SP100: variants seen among roughly 807,000 people sequenced by gnomAD.
SP100 encodes the protein nuclear autoantigen Sp-100.
SP100 carries 84 observed loss-of-function variants against 130.0 expected under a neutral mutation model. The observed-to-expected ratio is 0.65, with a 90% CI of 0.54 to 0.77. The LOEUF (loss-of-function observed/expected upper bound fraction) is 0.77, where lower values mean the gene tolerates loss of function less well. Among genes scored for constraint, SP100 ranks in the 30% least tolerant of loss-of-function variants. The pLI is 0.00. For synonymous variants in SP100, 331 were observed against 351.7 expected (o/e 0.94, Z 0.66); for missense variants, 978 against 1,052.2 (o/e 0.93, Z 0.97).
At position 230,421,553 on chromosome 2, in the gene SP100, C is replaced by CTA. The variant is rs3997231; in HGVS notation, c.107+3905_107+3906dup. On this transcript the variant is annotated intron_variant, in intron 2 of 28. Coordinates refer to ENST00000340126, the MANE Select transcript of SP100 (RefSeq NM_001080391.2). Reference sequence around the variant, plus strand: ...CTTACTGGGATTCAATTGAGAGACACTATATATATATATATATAAATTGTA... The same window carrying CTA: ...CTTACTGGGATTCAATTGAGAGACACTATATATATATATATATATAAATTGTA... 7.2e-3 allele frequency among the ~76,000 whole-genome samples: 1,062 copies of CTA among 147,910 alleles called. 7 individuals carry two copies. Among genetic ancestry groups the CTA allele is most frequent in the African/African-American group, 0.022 (906 of 40,292 alleles).
intron 24 of SP100, chr2:230,515,008 G>A: frequency 6.4e-7 from 1 of 1,571,668 alleles, no homozygotes; most frequent in Non-Finnish European, 8.6e-7. Context: ...CCTTGCTGAG[G>A]AAAAATAACT....
intron 23 of SP100, chr2:230,509,622 G>A (rs979928636): frequency 5.3e-5 from 8 of 152,146 alleles, no homozygotes; most frequent in Admixed American, 5.2e-4. Flanking sequence ...TCGGTTCTCA[G>A]AGGATCTCCC....
At chr2:230,482,493 T>C (rs765812118) in intron 17 of SP100, among the ~76,000 whole-genome samples, 19 of 152,170 alleles carry the variant, frequency 1.2e-4, no homozygotes, top group Non-Finnish European at 2.2e-4. Context: ...CAAAACCCTA[T>C]CTCAAGATTT....
rs1484200264 is a variant in SP100 at position 230,439,302 on chromosome 2, A to G, written c.108-3635A>G. Among the ~76,000 whole-genome samples, 6 of 152,186 alleles carry G rather than the reference A, an allele frequency of 3.9e-5. No homozygotes were observed. In the East Asian group the frequency reaches 1.2e-3, roughly 29 times the overall value. ...TGGGCCCTTTTTTGATTCCATATGA[A>G]TTTTAGGATTGTTTTTTCTAGTTCT... On this transcript the variant is annotated intron_variant, in intron 2 of 28. Transcript: ENST00000340126.
Position 230,421,504 on chromosome 2 carries a change from C to CATATATATAT in SP100, c.107+3848_107+3857dup, listed in dbSNP as rs55963279. On this transcript the variant is annotated intron_variant, in intron 2 of 28. Transcript: ENST00000340126. ...TGACTAAGAGTTTATAGAAGATATA[C>CATATATATAT]ATATATATATATATATATCCTACCT... Among the ~76,000 whole-genome samples, 893 of 146,252 alleles carry CATATATATAT rather than the reference C, an allele frequency of 6.1e-3. 6 individuals are homozygous for CATATATATAT. The highest frequency in any genetic ancestry group is 7.1e-3 in the Middle Eastern group (2 of 280).
chr2:230,519,961 C>G (rs915996496), intron 24 of SP100, among the ~76,000 whole-genome samples: 8 of 152,132 alleles, frequency 5.3e-5, no homozygotes, highest in Non-Finnish European at 1.0e-4. Flanking sequence ...AGGCAGTGTA[C>G]CCTGAGTCTT....
intron 2 of SP100, among the ~76,000 whole-genome samples, chr2:230,437,922 T>A (rs969857803): frequency 1.3e-5 from 2 of 152,230 alleles, no homozygotes; most frequent in Non-Finnish European, 2.9e-5. Flanking sequence ...AGAGCCTGTA[T>A]ACTTTGTCCA....
rs1317212390 is a variant in SP100 at position 230,544,012 on chromosome 2, C to G, written c.*1066C>G. ...AAGAGCACAGAATAAGACCACACTCCTATGACCATCTGATCGTCGATAAAA... is the reference window on the plus strand; with the variant it reads ...AAGAGCACAGAATAAGACCACACTCGTATGACCATCTGATCGTCGATAAAA... On this transcript the variant is annotated 3_prime_UTR_variant, in exon 29 of 29. Coordinates refer to ENST00000340126, the MANE Select transcript of SP100 (RefSeq NM_001080391.2). The G allele has an allele frequency of 6.6e-6, 1 of 151,834 alleles. No individual in the cohort carries two copies. Among genetic ancestry groups the G allele is most frequent in the East Asian group, 1.9e-4 (1 of 5,198 alleles). The allele number at this position is 151,834 out of a possible 1,614,324, so 9.4% of individuals were successfully genotyped here. A position where few individuals can be genotyped will look rare whatever the true frequency, so the allele number is the denominator to read the frequency against.
intron 12 of SP100, 141 bp from the exon 13 acceptor site, chr2:230,466,979 A>G (rs1678159): frequency 0.72 from 463,239 of 645,486 alleles, 168,796 homozygotes; most frequent in South Asian, 0.83. Context: ...CAGATCATGG[A>G]GGTTTGAGGC....
At chr2:230,459,955 C>T (rs1451072983) in intron 8 of SP100, among the ~76,000 whole-genome samples, 6 of 152,198 alleles carry the variant, frequency 3.9e-5, no homozygotes, top group Non-Finnish European at 8.8e-5. Flanking sequence ...CGCACCTGCG[C>T]GTTCCCCGTC....
At chr2:230,461,044 C>T (rs1270787103) in intron 8 of SP100, among the ~76,000 whole-genome samples, 1 of 151,860 alleles carries the variant, frequency 6.6e-6, no homozygotes, top group Non-Finnish European at 1.5e-5. Context: ...AAATATTAAC[C>T]ATCAAAGAAT....
At chr2:230,507,028 A>G (rs1421895258) in intron 22 of SP100, 1 of 152,126 alleles carries the variant, frequency 6.6e-6, no homozygotes, top group Non-Finnish European at 1.5e-5. Flanking sequence ...TTAGACTCCA[A>G]ATACAGTGCT....
intron 2 of SP100, among the ~76,000 whole-genome samples, chr2:230,438,518 A>G (rs185706321): frequency 6.6e-6 from 1 of 152,152 alleles, no homozygotes; most frequent in African/African-American, 2.4e-5. Flanking sequence ...AAGTGAGAAC[A>G]TAACGATACT....
chr2:230,495,365 C>G (rs772007377), intron 18 of SP100, among the ~76,000 whole-genome samples: 2 of 152,136 alleles, frequency 1.3e-5, no homozygotes, highest in Non-Finnish European at 2.9e-5. Flanking sequence ...CTCTGTCACC[C>G]AGGCTGGAGT....
intron 2 of SP100, among the ~76,000 whole-genome samples, chr2:230,418,383 T>G (rs896925994): frequency 1.3e-5 from 2 of 152,186 alleles, no homozygotes; most frequent in African/African-American, 4.8e-5. Flanking sequence ...CATTCAGTCT[T>G]CACAGTCTTG....
At chr2:230,514,987 GC>G (rs2150088873) in intron 24 of SP100, 1 of 1,539,352 alleles carries the variant, frequency 6.5e-7, no homozygotes, top group African/African-American at 1.4e-5. Flanking sequence ...CAGGCCCTGG[GC>G]GACTCTGTAC....
chr2:230,523,223 G>C (rs1300150091), intron 24 of SP100, among the ~76,000 whole-genome samples: 1 of 152,256 alleles, frequency 6.6e-6, no homozygotes, highest in East Asian at 1.9e-4. Context: ...GAACATGTTT[G>C]TAGACCAGTG....
chr2:230,472,918 C>T (rs1305402393), intron 15 of SP100, among the ~76,000 whole-genome samples: 2 of 152,158 alleles, frequency 1.3e-5, no homozygotes. Flanking sequence ...TATCTCCAGC[C>T]AGCCCTGTCT....
intron 25 of SP100, 108 bp from the exon 26 acceptor site, chr2:230,540,768 A>G (rs1445191069): frequency 7.1e-7 from 1 of 1,399,206 alleles, no homozygotes; most frequent in Non-Finnish European, 9.6e-7. Flanking sequence ...GAAGTTGGAT[A>G]CAAGGTGGAA....
Sources: gnomAD v4.1 joint callset for allele counts (sites outside exome capture counted in the v4.1 genomes callset) on GRCh38, gnomAD v4.1.1 for gene constraint, MANE v1.5 for transcripts, NCBI Gene and HGNC (gene_info 2026-07-23, HGNC 2026-07-21) for gene names.